ZMAT4: variants seen among roughly 807,000 people sequenced by gnomAD.
The protein encoded by ZMAT4 is zinc finger matrin-type 4.
Under a neutral mutation model 28.7 loss-of-function variants are expected in ZMAT4, and 17 were observed. That is an observed-to-expected ratio of 0.59 (90% confidence interval 0.41 to 0.89). The LOEUF is 0.89. Ranked by LOEUF, ZMAT4 falls within the 40% of genes least tolerant of loss-of-function variation. ZMAT4 has a pLI of 0.00. For missense variants in ZMAT4, 240 were observed against 283.8 expected (o/e 0.85, Z 1.11); for synonymous variants, 117 against 109.2 (o/e 1.07, Z -0.44).
intron 3 of ZMAT4, among the ~76,000 whole-genome samples, chr8:40,727,851 C>T (rs887102105): frequency 6.6e-6 from 1 of 152,198 alleles, no homozygotes; most frequent in East Asian, 1.9e-4. Context: ...ATACAAAAAC[C>T]ATTATTAATT....
chr8:40,621,797 G>A (rs1300750919), intron 5 of ZMAT4, among the ~76,000 whole-genome samples: 6 of 152,136 alleles, frequency 3.9e-5, no homozygotes, highest in African/African-American at 1.4e-4. Context: ...GAGCCACTCA[G>A]GGTCTAAGAT....
chr8:40,562,739 C>G (rs1275630846), intron 6 of ZMAT4, among the ~76,000 whole-genome samples: 5 of 152,222 alleles, frequency 3.3e-5, no homozygotes, highest in Middle Eastern at 3.4e-3. Context: ...ATCTGTCAAT[C>G]CTCTTTCTAC....
At chr8:40,651,085 G>A (rs1585819538) in intron 5 of ZMAT4, among the ~76,000 whole-genome samples, 1 of 152,058 alleles carries the variant, frequency 6.6e-6, no homozygotes, top group Admixed American at 6.5e-5. Flanking sequence ...AGGGCAATTA[G>A]GCAGGAGAAG....
chr8:40,556,275 C>T (rs1435199193), intron 6 of ZMAT4, among the ~76,000 whole-genome samples: 2 of 152,126 alleles, frequency 1.3e-5, no homozygotes, highest in African/African-American at 4.8e-5. Context: ...CACTCTTGTT[C>T]AGTTTTTTAC....
In ZMAT4 at chr8:40,548,855, C is replaced by T. The variant is rs75144758; in HGVS notation, c.675-16617G>A. ...TTGTAGGCATTACATCAATTTATGG[C>T]CGTTCTTCTCTTTACTGACTTCTGC... is the stretch of plus-strand genomic sequence containing the variant. On this transcript the variant is annotated intron_variant, in intron 6 of 6. Transcript: ENST00000297737. Among the ~76,000 whole-genome samples the T allele has an allele frequency of 6.2e-3, 947 of 152,226 alleles. 18 individuals carry two copies. The highest frequency in any genetic ancestry group is 0.022 in the African/African-American group (910 of 41,540).
intron 6 of ZMAT4, among the ~76,000 whole-genome samples, chr8:40,536,614 G>T (rs1802855634): frequency 1.3e-5 from 2 of 152,178 alleles, no homozygotes; most frequent in South Asian, 4.1e-4. Flanking sequence ...ATGTTGCCAT[G>T]GTTGGTGCAG....
chr8:40,663,506 G>GTGAA lies in ZMAT4; in HGVS notation c.577+11194_577+11197dup, dbSNP rs376280893. On this transcript the variant is annotated intron_variant, in intron 5 of 6. Coordinates refer to ENST00000297737, the MANE Select transcript of ZMAT4 (RefSeq NM_024645.3). ...ACAGGAACTTAGTGTGTTTGAATAA[G>GTGAA]TGAATGAATGAATGAATGACAAAAT... is the stretch of plus-strand genomic sequence containing the variant. Among the ~76,000 whole-genome samples the GTGAA allele has an allele frequency of 3.7e-3, 561 of 152,208 alleles. 4 individuals are homozygous for GTGAA. The highest frequency in any genetic ancestry group is 0.013 in the African/African-American group (522 of 41,520).
At chr8:40,847,081 T>A (rs572345270) in intron 1 of ZMAT4, among the ~76,000 whole-genome samples, 25 of 152,112 alleles carry the variant, frequency 1.6e-4, no homozygotes, top group African/African-American at 5.8e-4. Flanking sequence ...GGCATGTGCC[T>A]GTAATCCCAG....
At chr8:40,842,431 T>C (rs1194652519) in intron 1 of ZMAT4, among the ~76,000 whole-genome samples, 1 of 152,236 alleles carries the variant, frequency 6.6e-6, no homozygotes, top group African/African-American at 2.4e-5. Context: ...ATCTTCCAGT[T>C]ATCTTTCTTT....
rs549111157 is a variant in ZMAT4 at position 40,834,476 on chromosome 8, T to C, written c.-4-8796A>G. On this transcript the variant is annotated intron_variant, in intron 1 of 6. Coordinates refer to ENST00000297737, the MANE Select transcript of ZMAT4 (RefSeq NM_024645.3). ...TCTATGTGATTCACCAAATGGCCTC[T>C]GCTTAAGTCCTGGACATACAACATC... Among the ~76,000 whole-genome samples the C allele has an allele frequency of 5.9e-5, 9 of 152,194 alleles. 1 individual carries two copies. Among genetic ancestry groups the C allele is most frequent in the Non-Finnish European group, 1.3e-4 (9 of 68,020 alleles).
intron 1 of ZMAT4, among the ~76,000 whole-genome samples, chr8:40,867,190 C>T (rs1375923355): frequency 1.3e-5 from 2 of 152,162 alleles, no homozygotes; most frequent in Non-Finnish European, 2.9e-5. Context: ...TCTTGGGCCA[C>T]ATTGGAAGAA....
chr8:40,797,065 C>G (rs1401572293), intron 2 of ZMAT4, among the ~76,000 whole-genome samples: 1 of 152,202 alleles, frequency 6.6e-6, no homozygotes, highest in Non-Finnish European at 1.5e-5. Flanking sequence ...CACTGCACAC[C>G]ATTTCCATGC....
At chr8:40,835,304 C>T (rs1305010099) in intron 1 of ZMAT4, among the ~76,000 whole-genome samples, 2 of 152,164 alleles carry the variant, frequency 1.3e-5, no homozygotes, top group South Asian at 2.1e-4. Context: ...ATAAAACATG[C>T]TCCTTATGTT....
chr8:40,686,632 A>T (rs1365928627), intron 4 of ZMAT4, among the ~76,000 whole-genome samples: 3 of 152,136 alleles, frequency 2.0e-5, no homozygotes, highest in Non-Finnish European at 4.4e-5. Flanking sequence ...TGTCTCTACA[A>T]ATTAAAAAAA....
intron 5 of ZMAT4, among the ~76,000 whole-genome samples, chr8:40,633,390 C>T (rs573641816): frequency 3.3e-5 from 5 of 152,146 alleles, no homozygotes; most frequent in South Asian, 2.1e-4. Flanking sequence ...GTGACACATG[C>T]GATGTGATGG....
rs532998999 is a variant in ZMAT4 at position 40,713,301 on chromosome 8, A to G, written c.193-15900T>C. The stretch of plus-strand genomic sequence containing the variant: ...CTAGGAGAAATAAATAGAAATACTC[A>G]TACAGTCTTAGGATGAGTTAAACTT... On this transcript the variant is annotated intron_variant, in intron 3 of 6. Transcript: ENST00000297737. Among the ~76,000 whole-genome samples, 11 of 152,320 alleles carry G rather than the reference A, an allele frequency of 7.2e-5. No homozygotes were observed. The South Asian group carries it at 2.1e-3, about 29-fold the overall frequency.
intron 5 of ZMAT4, among the ~76,000 whole-genome samples, chr8:40,596,274 A>T (rs1490893746): frequency 6.6e-6 from 1 of 152,188 alleles, no homozygotes; most frequent in Admixed American, 6.5e-5. Flanking sequence ...GACTTTATAA[A>T]CACTGTACGC....
Position 40,897,746 on chromosome 8 carries a change from C to T in ZMAT4, c.-68G>A, listed in dbSNP as rs554512986. The T allele has an allele frequency of 1.3e-5, 2 of 152,362 alleles. No individual in the cohort carries two copies. Among genetic ancestry groups the T allele is most frequent in the African/African-American group, 4.8e-5 (2 of 41,562 alleles). 9.4% of individuals were successfully genotyped at this position (152,362 alleles called of 1,614,324 possible). Reference sequence around the variant, plus strand: ...CCAGCTGCCCTGCCGAGCAGTAGAGCGAAGCTGTGGGCTGGAGCACGCTGA... The same window carrying T: ...CCAGCTGCCCTGCCGAGCAGTAGAGTGAAGCTGTGGGCTGGAGCACGCTGA... On this transcript the variant is annotated 5_prime_UTR_variant, in exon 1 of 7. Transcript: ENST00000297737.
intron 2 of ZMAT4, among the ~76,000 whole-genome samples, chr8:40,793,277 AC>A (rs1456643360): frequency 2.6e-5 from 4 of 152,362 alleles, no homozygotes; most frequent in East Asian, 1.9e-4. Flanking sequence ...AAATACAGAA[AC>A]AAAAAACAAA....
Sources: allele counts gnomAD v4.1 joint callset (sites outside exome capture counted in the v4.1 genomes callset), GRCh38; gene constraint gnomAD v4.1.1; transcripts MANE v1.5; gene names NCBI Gene and HGNC (gene_info 2026-07-23, HGNC 2026-07-21).